EXOC2: variants seen among roughly 807,000 people sequenced by gnomAD.
EXOC2 encodes SEC5-like 1.
EXOC2 carries 70 observed loss-of-function variants against 131.8 expected under a neutral mutation model. That is an observed-to-expected ratio of 0.53 (90% CI 0.44 to 0.65). The LOEUF (loss-of-function observed/expected upper bound fraction) is 0.65, where lower values mean the gene tolerates loss of function less well. EXOC2 is among the 30% of genes least tolerant of loss of function. The probability of loss-of-function intolerance (pLI) is 0.00; values close to 1 mark genes in which losing one functional copy is unlikely to be tolerated. For synonymous variants in EXOC2, 411 were observed against 398.4 expected (o/e 1.03, Z -0.38); for missense variants, 923 against 1,108.6 (o/e 0.83, Z 2.38).
intron 4 of EXOC2, among the ~76,000 whole-genome samples, chr6:628,914 A>T (rs997128527): frequency 3.3e-5 from 5 of 152,222 alleles, no homozygotes; most frequent in Non-Finnish European, 7.3e-5. Context: ...CAAAGATGTT[A>T]CCTAGAACAG....
At chr6:617,627 T>C (rs559697309) in intron 6 of EXOC2, 84 bp downstream of exon 6, 14 of 1,484,972 alleles carry the variant, frequency 9.4e-6, no homozygotes, top group Middle Eastern at 2.2e-4. Flanking sequence ...ACAGACCGAG[T>C]GTCACACCCT....
At chr6:652,117 A>T (rs112044954) in intron 1 of EXOC2, among the ~76,000 whole-genome samples, 2,406 of 152,196 alleles carry the variant, frequency 0.016, 67 homozygotes, top group African/African-American at 0.055. Flanking sequence ...AATAATTCAC[A>T]TATTTTTGTA....
At chr6:561,799 T>C (rs1757712525) in intron 17 of EXOC2, among the ~76,000 whole-genome samples, 1 of 152,156 alleles carries the variant, frequency 6.6e-6, no homozygotes, top group Non-Finnish European at 1.5e-5. Flanking sequence ...TTGGCCAGGA[T>C]GGTCTCGCTC....
intron 1 of EXOC2, chr6:655,842 T>C (rs770947223): frequency 4.0e-4 from 128 of 316,206 alleles, no homozygotes; most frequent in Non-Finnish European, 5.6e-4. Context: ...ACCCTGTTTT[T>C]CCCCCCCGAA....
rs1200865394 is a variant in EXOC2, at chr6:667,320, G to A, written c.-44+25699C>T. Among the ~76,000 whole-genome samples the A allele has an allele frequency of 3.1e-5, 3 of 96,646 alleles. 1 individual carries two copies. The highest frequency in any genetic ancestry group is 7.3e-5 in the Non-Finnish European group (3 of 40,872). The allele number at this position is 96,646 out of a possible 152,430, so 63.4% of individuals were successfully genotyped here. ...TTATCTGAGAAAGTATTTCTCATTC[G>A]CTTCTGAAGGGTAATTTCATTTGTA... On this transcript the variant is annotated intron_variant, in intron 1 of 27. Coordinates refer to ENST00000230449, the MANE Select transcript of EXOC2 (RefSeq NM_018303.6).
At chr6:678,427 C>T (rs929883116) in intron 1 of EXOC2, among the ~76,000 whole-genome samples, 1 of 152,214 alleles carries the variant, frequency 6.6e-6, no homozygotes, top group Non-Finnish European at 1.5e-5. Flanking sequence ...AGTATTGCTA[C>T]CATTCATGCA....
intron 22 of EXOC2, among the ~76,000 whole-genome samples, chr6:541,679 G>A (rs1756553334): frequency 6.6e-6 from 1 of 152,156 alleles, no homozygotes; most frequent in Non-Finnish European, 1.5e-5. Context: ...CAACAGATTT[G>A]AAAATTTAAG....
intron 23 of EXOC2, among the ~76,000 whole-genome samples, chr6:510,660 A>ATT (rs1270353670): frequency 1.3e-3 from 191 of 152,308 alleles, no homozygotes; most frequent in African/African-American, 4.3e-3. Flanking sequence ...GATGTGTAGA[A>ATT]CAGACCATGA....
intron 1 of EXOC2, among the ~76,000 whole-genome samples, chr6:675,093 A>C (rs1374244425): frequency 1.3e-5 from 2 of 152,072 alleles, no homozygotes; most frequent in Non-Finnish European, 2.9e-5. Context: ...ACCTACCCCC[A>C]GTGCTTCCTG....
chr6:513,015 C>T (rs7752833), intron 23 of EXOC2, among the ~76,000 whole-genome samples: 113,756 of 152,156 alleles, frequency 0.75, 43,107 homozygotes, highest in East Asian at 0.95. Context: ...CAACAATGGA[C>T]GCTTAAACCC....
chr6:647,690 T>C (rs1247779827), intron 1 of EXOC2, among the ~76,000 whole-genome samples: 1 of 141,838 alleles, frequency 7.1e-6, no homozygotes, highest in Non-Finnish European at 1.5e-5. Flanking sequence ...TAACTGCAAT[T>C]AGAATACCTC....
intron 4 of EXOC2, 37 bp from the exon 5 acceptor site, chr6:619,580 T>C: frequency 6.9e-7 from 1 of 1,454,030 alleles, no homozygotes; most frequent in Non-Finnish European, 9.6e-7. Context: ...ATTTCAATGG[T>C]TATTATGACA....
intron 1 of EXOC2, among the ~76,000 whole-genome samples, chr6:641,763 C>G (rs1762363123): frequency 6.6e-6 from 1 of 152,140 alleles, no homozygotes; most frequent in African/African-American, 2.4e-5. Context: ...CCTACTGTTT[C>G]CTCCTGTTGC....
chr6:493,717 C>G (rs1291697439), intron 25 of EXOC2, among the ~76,000 whole-genome samples: 2 of 152,146 alleles, frequency 1.3e-5, no homozygotes, highest in African/African-American at 4.8e-5. Context: ...GAAGGAAGCT[C>G]TCAAAGTCAT....
chr6:677,929 A>ATCTC lies in EXOC2; in HGVS notation c.-44+15086_-44+15089dup, dbSNP rs557443914. Among the ~76,000 whole-genome samples the ATCTC allele has an allele frequency of 4.9e-3, 681 of 140,284 alleles. 7 individuals carry two copies. Among genetic ancestry groups the ATCTC allele is most frequent in the African/African-American group, 0.017 (616 of 35,834 alleles). 92.0% of individuals were successfully genotyped at this position (140,284 alleles called of 152,430 possible). On this transcript the variant is annotated intron_variant, in intron 1 of 27. Transcript: ENST00000230449. ...GTTTGCATCAGGGGCTGTGCTTATA[A>ATCTC]TCTCTCACACACACACACACACACA...
chr6:647,614 T>A (rs1212593583), intron 1 of EXOC2, among the ~76,000 whole-genome samples: 1 of 120,408 alleles, frequency 8.3e-6, no homozygotes, highest in Admixed American at 1.1e-4. Context: ...ATGTGACCGC[T>A]CACATTCTAA....
intron 22 of EXOC2, among the ~76,000 whole-genome samples, chr6:534,287 T>G (rs1007716085): frequency 6.6e-6 from 1 of 152,104 alleles, no homozygotes. Flanking sequence ...AGGAGAAAAT[T>G]TAACTGGATC....
At chr6:642,465 T>C (rs1266473143) in intron 1 of EXOC2, among the ~76,000 whole-genome samples, 1 of 152,198 alleles carries the variant, frequency 6.6e-6, no homozygotes, top group African/African-American at 2.4e-5. Flanking sequence ...GAGTGTGTAC[T>C]GAGTTAGTGG....
At chr6:595,584 T>C (rs73371955) in intron 10 of EXOC2, among the ~76,000 whole-genome samples, 1 of 152,034 alleles carries the variant, frequency 6.6e-6, no homozygotes, top group African/African-American at 2.4e-5. Context: ...TTAAACGATA[T>C]CCAGTAAGTT....
Sources: allele counts gnomAD v4.1 joint callset (sites outside exome capture counted in the v4.1 genomes callset), GRCh38; gene constraint gnomAD v4.1.1; transcripts MANE v1.5; gene names NCBI Gene and HGNC (gene_info 2026-07-23, HGNC 2026-07-21).